Variants in PJA2 observed in about 807,000 individuals in gnomAD.
The protein encoded by PJA2 is E3 ubiquitin-protein ligase Praja-2.
Under a neutral mutation model 69.3 loss-of-function variants are expected in PJA2, and 25 were observed. The ratio of observed to expected loss-of-function variants is 0.36; its 90% CI spans 0.26 to 0.50. The LOEUF is 0.50. Among genes scored for constraint, PJA2 ranks in the 20% least tolerant of loss-of-function variants. The probability of loss-of-function intolerance (pLI) is 0.96; values close to 1 mark genes in which losing one functional copy is unlikely to be tolerated. For synonymous variants in PJA2, 308 were observed against 277.8 expected (o/e 1.11, Z -1.08); for missense variants, 809 against 830.2 (o/e 0.97, Z 0.31).
intron 1 of PJA2, among the ~76,000 whole-genome samples, chr5:109,395,307 T>C (rs1321515417): frequency 2.0e-5 from 3 of 151,950 alleles, no homozygotes; most frequent in East Asian, 2.0e-4. Flanking sequence ...AGAAGGTGGA[T>C]AGTTTGAGCC....
intron 1 of PJA2, among the ~76,000 whole-genome samples, chr5:109,388,262 T>C (rs1307985317): frequency 6.6e-6 from 1 of 152,086 alleles, no homozygotes; most frequent in Non-Finnish European, 1.5e-5. Context: ...CCACAAAAAC[T>C]AAGGTCTTCC....
At chr5:109,379,620 C>G (rs1746992861) in intron 3 of PJA2, among the ~76,000 whole-genome samples, 1 of 152,170 alleles carries the variant, frequency 6.6e-6, no homozygotes, top group Non-Finnish European at 1.5e-5. Context: ...CAGTGATTTC[C>G]AAACTTACCT....
At chr5:109,359,861 T>C (rs1396567377) in intron 6 of PJA2, among the ~76,000 whole-genome samples, 3 of 152,212 alleles carry the variant, frequency 2.0e-5, no homozygotes, top group Admixed American at 6.5e-5. Context: ...AATTTTACTG[T>C]GTTATATAAC....
chr5:109,378,886 C>T lies in PJA2; in HGVS notation c.601G>A (p.Val201Ile). 10 of 1,614,136 alleles carry T rather than the reference C, an allele frequency of 6.2e-6. No individual in the cohort carries two copies. The highest frequency in any genetic ancestry group is 8.5e-6 in the Non-Finnish European group (10 of 1,180,022). Residue 201 changes from valine to isoleucine, a missense_variant, in exon 4 of 10, where the codon GTA (valine) becomes ATA (isoleucine). By Grantham distance (29) the Val-to-Ile change is conservative (BLOSUM62 3). Around this residue, in one of 4 missense-constraint regions of PJA2, gnomAD observed 700 missense variants for 639.5 expected, o/e 1.09. Transcript: ENST00000361189. ...GCCTCTCTGTTTTCCAACTCAAATA[C>T]TGTATTGCCTAATGATTCCTGGTAT... Reference protein sequence around the residue: ...SRYQESLGNTVFELENREAEA... With the variant: ...SRYQESLGNTIFELENREAEA...
chr5:109,401,175 T>A (rs1275033693), intron 1 of PJA2, among the ~76,000 whole-genome samples: 1 of 151,746 alleles, frequency 6.6e-6, no homozygotes, highest in Non-Finnish European at 1.5e-5. Flanking sequence ...TCGCAGATAC[T>A]TGGGAGACTG....
At chr5:109,377,419 CAAAG>C (rs1354061907) in intron 4 of PJA2, among the ~76,000 whole-genome samples, 5 of 151,998 alleles carry the variant, frequency 3.3e-5, no homozygotes, top group African/African-American at 1.2e-4. Context: ...AGCAACTGAA[CAAAG>C]AAATTCTCCA....
intron 9 of PJA2, among the ~76,000 whole-genome samples, chr5:109,343,028 G>A (rs1036998742): frequency 1.9e-5 from 2 of 102,820 alleles, no homozygotes; most frequent in Admixed American, 9.2e-5. Flanking sequence ...CATTGAGAAC[G>A]GGCCAGGATG....
At chr5:109,350,649 C>G (rs1454462603) in intron 7 of PJA2, among the ~76,000 whole-genome samples, 1 of 152,246 alleles carries the variant, frequency 6.6e-6, no homozygotes, top group East Asian at 1.9e-4. Flanking sequence ...CACAATAACC[C>G]ATCAGGTAGA....
rs752437329 is a variant in PJA2 at position 109,344,167 on chromosome 5, T to TG, written c.2001+22_2001+23insC. ...AAGACACTATTAAAGTATTTTTAAA[T>TG]TTTTAATTATTCTATCACTCACCTT... On this transcript the variant is annotated intron_variant, in intron 9 of 9. Coordinates refer to ENST00000361189, the MANE Select transcript of PJA2 (RefSeq NM_014819.5). 76 of 1,313,542 alleles carry TG rather than the reference T, an allele frequency of 5.8e-5. No homozygotes were observed. The South Asian group carries it at 6.0e-4, about 10-fold the overall frequency. 81.4% of individuals were successfully genotyped at this position (1,313,542 alleles called of 1,614,324 possible).
Position 109,335,657 on chromosome 5 carries a change from GATC to G in PJA2, c.*1571_*1573del, listed in dbSNP as rs1220333986. On this transcript the variant is annotated 3_prime_UTR_variant, in exon 10 of 10. Transcript: ENST00000361189. ...CTGTTTTGACTCCTTGACACTAACT[GATC>G]ATTAATGAAATATGATATGGAAAGA... The G allele has an allele frequency of 6.6e-6, 1 of 152,182 alleles. No homozygotes were observed. The highest frequency in any genetic ancestry group is 1.5e-5 in the Non-Finnish European group (1 of 68,002). The allele number at this position is 152,182 out of a possible 1,614,324, so 9.4% of individuals were successfully genotyped here.
intron 9 of PJA2, among the ~76,000 whole-genome samples, chr5:109,338,512 C>A (rs749124888): frequency 6.6e-6 from 1 of 151,732 alleles, no homozygotes; most frequent in African/African-American, 2.4e-5. Flanking sequence ...TTGCAGCATG[C>A]GCCTTTAGTC....
intron 1 of PJA2, among the ~76,000 whole-genome samples, chr5:109,404,844 C>A (rs555216269): frequency 2.6e-5 from 4 of 152,190 alleles, no homozygotes; most frequent in Admixed American, 1.3e-4. Flanking sequence ...CTCTATCACA[C>A]TCAATAATGA....
intron 9 of PJA2, 74 bp downstream of exon 9, chr5:109,344,116 A>AAG: frequency 1.0e-6 from 1 of 962,316 alleles, no homozygotes; most frequent in Non-Finnish European, 1.4e-6. Context: ...AAAAAAAAAA[A>AAG]AAAAGATACT....
In PJA2 at chr5:109,335,916, A is replaced by G. The variant is rs1418653762; in HGVS notation, c.*1315T>C. The G allele has an allele frequency of 6.6e-6, 1 of 152,614 alleles. No homozygotes were observed. The highest frequency in any genetic ancestry group is 1.5e-5 in the Non-Finnish European group (1 of 68,014). 9.5% of individuals were successfully genotyped at this position (152,614 alleles called of 1,614,324 possible). A position where few individuals can be genotyped will look rare whatever the true frequency, so the allele number is the denominator to read the frequency against. ...GTATTTTGCTGTAAATACCAGACAC[A>G]TTTACAATATATGCAAAAATTAGAA... On this transcript the variant is annotated 3_prime_UTR_variant, in exon 10 of 10. Transcript: ENST00000361189.
chr5:109,409,974 T>TGGCGGC (rs1478390887), upstream of PJA2: 5 of 219,020 alleles, frequency 2.3e-5, no homozygotes, highest in African/African-American at 4.8e-5. Flanking sequence ...GCGGCGGCGG[T>TGGCGGC]GGCGGCGGCG....
chr5:109,343,205 AC>A (rs978378839), intron 9 of PJA2, among the ~76,000 whole-genome samples: 2 of 112,192 alleles, frequency 1.8e-5, no homozygotes, highest in African/African-American at 7.8e-5. Context: ...CTGTGACCTT[AC>A]CCCCAACCCT....
intron 1 of PJA2, among the ~76,000 whole-genome samples, chr5:109,400,283 T>C (rs2127017736): frequency 6.8e-6 from 1 of 148,090 alleles, no homozygotes. Context: ...GGACTGAGAC[T>C]GTCTCAAAAA....
rs1423097343 is a variant in PJA2, at chr5:109,338,618, C to T, written c.2002-1262G>A. On this transcript the variant is annotated intron_variant, in intron 9 of 9. Transcript: ENST00000361189. ...CACCATTGCACTCCAGCCTGGGCAA[C>T]AGAGTGAAACTCCGTCTCAAAAAAA... Among the ~76,000 whole-genome samples, 10 of 106,028 alleles carry T rather than the reference C, an allele frequency of 9.4e-5. No individual in the cohort carries two copies. The South Asian group carries it at 2.4e-3, about 25-fold the overall frequency. The allele number at this position is 106,028 out of a possible 152,430, so 69.6% of individuals were successfully genotyped here. A position where few individuals can be genotyped will look rare whatever the true frequency, so the allele number is the denominator to read the frequency against.
intron 1 of PJA2, among the ~76,000 whole-genome samples, chr5:109,387,324 A>C (rs1172314871): frequency 6.6e-6 from 1 of 152,170 alleles, no homozygotes; most frequent in Admixed American, 6.5e-5. Context: ...TCTATCTCTA[A>C]GTATAAAAAA....
Sources: gnomAD v4.1 joint callset for allele counts (sites outside exome capture counted in the v4.1 genomes callset) on GRCh38, gnomAD v4.1.1 for gene constraint, gnomAD v4.1.1 regional missense constraint, MANE v1.5 for transcripts, NCBI Gene and HGNC (gene_info 2026-07-23, HGNC 2026-07-21) for gene names.